Variants in GALNT13 observed in about 807,000 individuals in gnomAD.
GALNT13 encodes UDP-GalNAc:polypeptide N-acetylgalactosaminyltransferase 13.
In GALNT13, 28 loss-of-function variants were observed where a neutral mutation model predicts 64.2. The ratio of observed to expected loss-of-function variants is 0.44; its 90% CI spans 0.32 to 0.60. The LOEUF (loss-of-function observed/expected upper bound fraction) is 0.60, where lower values mean the gene tolerates loss of function less well. Ranked by LOEUF, GALNT13 falls within the 20% of genes least tolerant of loss-of-function variation. The probability of loss-of-function intolerance (pLI) is 0.05; values close to 1 mark genes in which losing one functional copy is unlikely to be tolerated. For synonymous variants in GALNT13, 214 were observed against 224.6 expected, an observed-to-expected ratio of 0.95 and a Z score of 0.42; for missense variants, 577 against 669.8, an observed-to-expected ratio of 0.86 and a Z score of 1.53.
chr2:153,623,459 G>A, the GALNT13 span, among the ~76,000 whole-genome samples: 1 of 152,166 alleles, frequency 6.6e-6, no homozygotes, highest in Non-Finnish European at 1.5e-5. Context: ...CTCCATATAA[G>A]TGTGCTTTGC....
At chr2:153,412,566 T>C in the GALNT13 span, among the ~76,000 whole-genome samples, 1 of 152,162 alleles carries the variant, frequency 6.6e-6, no homozygotes, top group South Asian at 2.1e-4. Flanking sequence ...GACCGAAGCT[T>C]GGTCTCAGGA....
At chr2:154,200,332 A>G (rs948435903) in intron 4 of GALNT13, among the ~76,000 whole-genome samples, 2 of 152,100 alleles carry the variant, frequency 1.3e-5, no homozygotes, top group African/African-American at 4.8e-5. Flanking sequence ...ATTAAGGGGA[A>G]TATCCCACCA....
intron 12 of GALNT13, 45 bp downstream of exon 12, chr2:154,438,771 A>G: frequency 3.5e-6 from 5 of 1,438,858 alleles, no homozygotes; most frequent in Non-Finnish European, 3.8e-6. Flanking sequence ...GCTTAAGCTC[A>G]GTTATATATT....
the GALNT13 span, among the ~76,000 whole-genome samples, chr2:153,739,606 TA>T: frequency 4.2e-5 from 6 of 142,082 alleles, no homozygotes; most frequent in African/African-American, 1.0e-4. Flanking sequence ...ATTTATTTAT[TA>T]AAAATGAGAT....
the GALNT13 span, among the ~76,000 whole-genome samples, chr2:153,180,714 C>T: frequency 6.6e-6 from 1 of 151,776 alleles, no homozygotes; most frequent in African/African-American, 2.4e-5. Context: ...TTGGTTGGTT[C>T]AACCTTTCTG....
chr2:154,384,627 A>G (rs1021267926), intron 9 of GALNT13, among the ~76,000 whole-genome samples: 1 of 151,928 alleles, frequency 6.6e-6, no homozygotes. Flanking sequence ...GTATATACAT[A>G]AAAATATAAG....
At chr2:154,335,500 A>G (rs1049933207) in intron 9 of GALNT13, among the ~76,000 whole-genome samples, 5 of 151,950 alleles carry the variant, frequency 3.3e-5, no homozygotes, top group African/African-American at 1.2e-4. Context: ...CTTTTCTCTC[A>G]CAATCAAGTT....
intron 11 of GALNT13, among the ~76,000 whole-genome samples, chr2:154,434,595 C>T (rs1700860953): frequency 6.6e-6 from 1 of 152,114 alleles, no homozygotes; most frequent in African/African-American, 2.4e-5. Flanking sequence ...GTATCATTAT[C>T]ACCGTCTTAT....
chr2:153,789,141 A>G, the GALNT13 span, among the ~76,000 whole-genome samples: 2 of 152,274 alleles, frequency 1.3e-5, no homozygotes, highest in South Asian at 4.1e-4. Flanking sequence ...AGACAACAGA[A>G]TATATATTCT....
intron 3 of GALNT13, among the ~76,000 whole-genome samples, chr2:154,063,550 T>A (rs1700303005): frequency 6.6e-6 from 1 of 152,166 alleles, no homozygotes; most frequent in African/African-American, 2.4e-5. Context: ...CTTGGATTAT[T>A]TTGCTATTAT....
chr2:153,672,633 A>G, the GALNT13 span, among the ~76,000 whole-genome samples: 1 of 152,232 alleles, frequency 6.6e-6, no homozygotes, highest in Non-Finnish European at 1.5e-5. Flanking sequence ...TAACATCACA[A>G]TTAAAAGAAC....
chr2:153,365,271 C>T, the GALNT13 span, among the ~76,000 whole-genome samples: 1 of 152,128 alleles, frequency 6.6e-6, no homozygotes, highest in Non-Finnish European at 1.5e-5. Context: ...AAATGTAAAA[C>T]CCAAAACCAT....
the GALNT13 span, among the ~76,000 whole-genome samples, chr2:153,267,253 T>C: frequency 5.3e-5 from 8 of 152,176 alleles, no homozygotes; most frequent in Non-Finnish European, 7.3e-5. Context: ...GTTGACTGAC[T>C]GTGGCTTTTC....
the GALNT13 span, among the ~76,000 whole-genome samples, chr2:153,232,695 C>G: frequency 8.5e-5 from 13 of 152,172 alleles, no homozygotes; most frequent in Non-Finnish European, 1.9e-4. Flanking sequence ...GACAGATTCT[C>G]AATATTTGGA....
At chr2:154,014,617 G>T (rs1696874022) in intron 3 of GALNT13, among the ~76,000 whole-genome samples, 1 of 114,430 alleles carries the variant, frequency 8.7e-6, no homozygotes, top group Non-Finnish European at 2.0e-5. Flanking sequence ...CTTACTTTTT[G>T]TCTTTCTGAT....
At chr2:154,090,207 A>T (rs2105437258) in intron 3 of GALNT13, among the ~76,000 whole-genome samples, 2 of 152,192 alleles carry the variant, frequency 1.3e-5, no homozygotes, top group South Asian at 2.1e-4. Flanking sequence ...AAATATGGGG[A>T]TATTTATGTT....
intron 4 of GALNT13, among the ~76,000 whole-genome samples, chr2:154,148,392 G>C (rs1289317413): frequency 6.6e-6 from 1 of 152,150 alleles, no homozygotes; most frequent in Non-Finnish European, 1.5e-5. Flanking sequence ...ACATACATGT[G>C]CACGTGTCTT....
intron 1 of GALNT13, among the ~76,000 whole-genome samples, chr2:153,875,253 T>A (rs74985386): frequency 0.041 from 6,199 of 152,220 alleles, 172 homozygotes; most frequent in Non-Finnish European, 0.058. Flanking sequence ...GATATGCTAG[T>A]CACCTCTTAA....
chr2:153,746,185 A>G, the GALNT13 span, among the ~76,000 whole-genome samples: 1 of 152,208 alleles, frequency 6.6e-6, no homozygotes, highest in Non-Finnish European at 1.5e-5. Context: ...ACAGCTCAAC[A>G]AATTTCCAAA....
Sources: allele counts gnomAD v4.1 joint callset (sites outside exome capture counted in the v4.1 genomes callset), GRCh38; gene constraint gnomAD v4.1.1; transcripts MANE v1.5; gene names NCBI Gene and HGNC (gene_info 2026-07-23, HGNC 2026-07-21).